The following ZFP64 variants were observed in gnomAD, a reference collection of about 807,000 sequenced individuals.
ZFP64 encodes ZFP64 zinc finger protein.
ZFP64 carries 14 observed loss-of-function variants against 51.6 expected under a neutral mutation model. That is an observed-to-expected ratio of 0.27 (90% confidence interval 0.18 to 0.42). The LOEUF (loss-of-function observed/expected upper bound fraction) is 0.42. ZFP64 is among the 10% of genes least tolerant of loss of function. The probability of loss-of-function intolerance (pLI) is 1.00; values close to 1 mark genes in which losing one functional copy is unlikely to be tolerated. For synonymous variants in ZFP64, 375 were observed against 361.4 expected, an observed-to-expected ratio of 1.04 and a Z score of -0.43; for missense variants, 754 against 906.8, an observed-to-expected ratio of 0.83 and a Z score of 2.16.
intron 5 of ZFP64, chr20:52,098,723 AC>A: frequency 8.4e-7 from 1 of 1,194,330 alleles, no homozygotes; most frequent in Non-Finnish European, 1.2e-6. Context: ...AAGCCATGTG[AC>A]CAGGCGGGGT....
intron 5 of ZFP64, among the ~76,000 whole-genome samples, chr20:52,107,876 T>C (rs1424146891): frequency 6.6e-6 from 1 of 152,158 alleles, no homozygotes; most frequent in East Asian, 1.9e-4. Flanking sequence ...CTGGGGGTGG[T>C]ATAAGAGATA....
chr20:52,188,758 G>T (rs1440002487), intron 1 of ZFP64, among the ~76,000 whole-genome samples: 1 of 151,752 alleles, frequency 6.6e-6, no homozygotes, highest in African/African-American at 2.4e-5. Context: ...AGATCATGAG[G>T]TCAGGAGAGC....
At chr20:52,142,001 A>T (rs1047241115) in intron 5 of ZFP64, among the ~76,000 whole-genome samples, 1 of 152,190 alleles carries the variant, frequency 6.6e-6, no homozygotes. Flanking sequence ...AATAATATTT[A>T]TACATGGGCA....
At chr20:52,177,359 G>T (rs539710646) in intron 2 of ZFP64, among the ~76,000 whole-genome samples, 4 of 152,258 alleles carry the variant, frequency 2.6e-5, no homozygotes, top group Middle Eastern at 3.4e-3. Flanking sequence ...GGTTCCACTG[G>T]TAGGCCCCTT....
At chr20:52,149,405 A>C (rs920323728), downstream of ZFP64, among the ~76,000 whole-genome samples, 2 of 152,206 alleles carry the variant, frequency 1.3e-5, no homozygotes, top group African/African-American at 4.8e-5. Flanking sequence ...TCTAACACTT[A>C]TTTAAAAAAA....
intron 5 of ZFP64, among the ~76,000 whole-genome samples, chr20:52,139,185 T>C (rs1980130123): frequency 6.6e-6 from 1 of 152,158 alleles, no homozygotes; most frequent in African/African-American, 2.4e-5. Context: ...ATACAAATCA[T>C]TCTACCAAAG....
chr20:52,098,077 G>A (rs2079010142), intron 6 of ZFP64, among the ~76,000 whole-genome samples: 1 of 150,738 alleles, frequency 6.6e-6, no homozygotes, highest in Non-Finnish European at 1.5e-5. Flanking sequence ...GGATGCTGAG[G>A]CAGGAGAATT....
At chr20:52,186,726 C>T (rs905206269) in intron 2 of ZFP64, 106 bp downstream of exon 2, 2 of 1,468,726 alleles carry the variant, frequency 1.4e-6, no homozygotes, top group African/African-American at 2.8e-5. Flanking sequence ...GAATCAGCAA[C>T]CCTAGGGGGT....
chr20:52,148,706 GA>G (rs11297522), downstream of ZFP64, among the ~76,000 whole-genome samples: 73,774 of 122,066 alleles, frequency 0.6, 19,498 homozygotes, highest in Non-Finnish European at 0.66. Flanking sequence ...CTCAAAACAA[GA>G]AAAAAAAAAA....
chr20:52,140,580 G>T (rs1225494916), intron 5 of ZFP64, among the ~76,000 whole-genome samples: 1 of 152,198 alleles, frequency 6.6e-6, no homozygotes, highest in Non-Finnish European at 1.5e-5. Flanking sequence ...TGAGAGAAGT[G>T]AGGAAGCTGC....
Position 52,085,589 on chromosome 20 carries a change from A to T in ZFP64, c.1229-323T>A, listed in dbSNP as rs1212210297. ...ACTCTTGATGACCCCTTCAGTTTCA[A>T]ATCTAAACTCCCATTTAACTTGACA... On this transcript the variant is annotated intron_variant, in intron 8 of 8. Transcript: ENST00000361387. This position sits in a 1 kb window ranked among gnomAD's most constrained non-coding sequence, Gnocchi z 4.3. Among the ~76,000 whole-genome samples the T allele has an allele frequency of 6.6e-6, 1 of 152,184 alleles. No individual in the cohort carries two copies. Among genetic ancestry groups the T allele is most frequent in the Non-Finnish European group, 1.5e-5 (1 of 68,032 alleles).
At chr20:52,114,112 T>C (rs1240451592) in intron 5 of ZFP64, among the ~76,000 whole-genome samples, 1 of 151,934 alleles carries the variant, frequency 6.6e-6, no homozygotes, top group East Asian at 1.9e-4. Context: ...ACTAGGTAGC[T>C]CCCAGATAAG....
chr20:52,150,614 T>C (rs933028342), downstream of ZFP64, among the ~76,000 whole-genome samples: 1 of 152,140 alleles, frequency 6.6e-6, no homozygotes, highest in Non-Finnish European at 1.5e-5. Context: ...TTATGGCAAA[T>C]ATAGCAAGTC....
In ZFP64 at chr20:52,085,734, A is replaced by G. The variant is rs2078857269; in HGVS notation, c.1229-468T>C. Among the ~76,000 whole-genome samples the G allele has an allele frequency of 6.6e-6, 1 of 152,218 alleles. No homozygotes were observed. The highest frequency in any genetic ancestry group is 2.4e-5 in the African/African-American group (1 of 41,452). On this transcript the variant is annotated intron_variant, in intron 8 of 8. Coordinates refer to the ZFP64 transcript ENST00000361387. This position sits in a 1 kb window ranked among gnomAD's most constrained non-coding sequence, Gnocchi z 4.3. ...TTAATCTATATGACATCAGTTATTGAGCTTGTATTTCAAGTTAAAGTTTCT... is the reference window on the plus strand; with the variant it reads ...TTAATCTATATGACATCAGTTATTGGGCTTGTATTTCAAGTTAAAGTTTCT...
chr20:52,185,706 G>A (rs962673924), intron 2 of ZFP64, among the ~76,000 whole-genome samples: 11 of 150,424 alleles, frequency 7.3e-5, no homozygotes, highest in Admixed American at 2.7e-4. Context: ...TTGGTCCCCC[G>A]AGTAGCTGGG....
At position 52,166,025 on chromosome 20, in the gene ZFP64, AC is replaced by A. The variant is rs1285262890; in HGVS notation, c.287-1del. On this transcript the variant is annotated splice_acceptor_variant, in intron 2 of 5. Transcript: ENST00000216923. LOFTEE classifies it high-confidence loss of function. ...TTCAAAAACAAATTCTGGAGCTGAA[AC>A]TAAAAGATATGGTGATTATTAATTT... is the stretch of plus-strand genomic sequence containing the variant. 1 of 1,605,778 alleles carries A rather than the reference AC, an allele frequency of 6.2e-7. No individual in the cohort carries two copies. The highest frequency in any genetic ancestry group is 8.5e-7 in the Non-Finnish European group (1 of 1,177,924).
chr20:52,115,616 T>G (rs574323173), intron 5 of ZFP64, among the ~76,000 whole-genome samples: 28 of 152,004 alleles, frequency 1.8e-4, no homozygotes, highest in South Asian at 6.2e-4. Context: ...GGTTTCACCA[T>G]GTTGGCCAGG....
intron 3 of ZFP64, 142 bp from the exon 4 acceptor site, chr20:52,164,899 T>C (rs1463040413): frequency 2.7e-6 from 2 of 735,580 alleles, no homozygotes; most frequent in East Asian, 2.7e-5. Context: ...TGCCTTCATA[T>C]GTGATGACCG....
At chr20:52,099,266 A>G (rs2079025839) in intron 5 of ZFP64, among the ~76,000 whole-genome samples, 1 of 152,190 alleles carries the variant, frequency 6.6e-6, no homozygotes, top group South Asian at 2.1e-4. Flanking sequence ...ATAAGATAAA[A>G]AGAGCCCAAT....
Sources: gnomAD v4.1 joint callset for allele counts (sites outside exome capture counted in the v4.1 genomes callset) on GRCh38, gnomAD v4.1.1 for gene constraint, Gnocchi (gnomAD v3.1) non-coding constraint, MANE v1.5 for transcripts, NCBI Gene and HGNC (gene_info 2026-07-23, HGNC 2026-07-21) for gene names.